C16orf96: variants seen among roughly 807,000 people sequenced by gnomAD.
C16orf96 encodes uncharacterized protein C16orf96.
A neutral mutation model predicts 103.6 loss-of-function variants in C16orf96; 108 were observed. The ratio of observed to expected loss-of-function variants is 1.04; its 90% CI spans 0.89 to 1.22. C16orf96 has a LOEUF of 1.22. Among genes scored for constraint, C16orf96 ranks in the 50% most tolerant of loss-of-function variants. The pLI, the probability that C16orf96 is intolerant of heterozygous loss-of-function variation, is 0.00. For missense variants in C16orf96, 1,586 were observed against 1,464.2 expected (o/e 1.08, Z -1.36); for synonymous variants, 566 against 593.5 (o/e 0.95, Z 0.67).
upstream of C16orf96, among the ~76,000 whole-genome samples, chr16:4,554,990 T>C (rs954774185): frequency 6.6e-6 from 1 of 151,384 alleles, no homozygotes; most frequent in African/African-American, 2.4e-5. Context: ...TGGCCAGGTG[T>C]GGTGGCTCAC....
At chr16:4,569,484 G>A (rs1243334346) in intron 1 of C16orf96, among the ~76,000 whole-genome samples, 1 of 151,988 alleles carries the variant, frequency 6.6e-6, no homozygotes, top group African/African-American at 2.4e-5. Flanking sequence ...CTGGTGAGTT[G>A]GCTCATGCCT....
the C16orf96 span, among the ~76,000 whole-genome samples, chr16:4,540,570 T>A: frequency 6.6e-6 from 1 of 151,812 alleles, no homozygotes; most frequent in Non-Finnish European, 1.5e-5. Context: ...CCGTCTCTAC[T>A]AAAAATACAA....
intron 2 of C16orf96, among the ~76,000 whole-genome samples, 192 bp from the exon 3 acceptor site, chr16:4,574,517 C>T (rs892931884): frequency 2.6e-5 from 4 of 152,294 alleles, no homozygotes; most frequent in East Asian, 3.9e-4. Context: ...ACACTGTGCC[C>T]GGCCTGACAT....
Position 4,592,703 on chromosome 16 carries a change from A to G in C16orf96, c.2774+336A>G, listed in dbSNP as rs570177314. On this transcript the variant is annotated intron_variant, in intron 11 of 15. Transcript: ENST00000444310. ...ATACACTGTTCTACAGCCATCAAAA[A>G]TATACAAATATGCGGCCTTGTATGA... 1.1e-4 allele frequency among the ~76,000 whole-genome samples: 17 copies of G among 152,316 alleles called. 1 individual carries two copies. Among genetic ancestry groups the G allele is most frequent in the African/African-American group, 3.9e-4 (16 of 41,552 alleles).
In C16orf96 at chr16:4,588,271, G is replaced by A. The variant is rs535481087; in HGVS notation, c.2532G>A (p.Thr844=). The change falls in exon 9 of 16, where the codon ACG becomes ACA. Residue 844 remains threonine (T), a synonymous_variant. Coordinates refer to ENST00000444310, the MANE Select transcript of C16orf96 (RefSeq NM_001145011.2). ...TTCAGGGCATACTCTTCAAGGTCAC[G>A]ATCCATGAGGACAGCTGGAAGAAGG... is the stretch of plus-strand genomic sequence containing the variant. The part of the protein sequence containing the change: ...EMIQGILFKV[T]IHEDSWKKAM... 5.7e-5 allele frequency: 89 copies of A among 1,551,600 alleles called. No homozygotes were observed. The highest frequency in any genetic ancestry group is 7.2e-5 in the Non-Finnish European group (83 of 1,147,006).
upstream of C16orf96, among the ~76,000 whole-genome samples, chr16:4,555,266 C>T (rs1397902915): frequency 1.2e-5 from 1 of 82,052 alleles, no homozygotes; most frequent in East Asian, 5.7e-4. Context: ...TTGTCACACA[C>T]ACTACACACA....
At chr16:4,590,903 A>C (rs1469422344) in intron 9 of C16orf96, among the ~76,000 whole-genome samples, 1 of 151,300 alleles carries the variant, frequency 6.6e-6, no homozygotes, top group East Asian at 1.9e-4. Flanking sequence ...TTGGGGGCAC[A>C]CGCCTGTAAT....
Position 4,556,857 on chromosome 16 carries a change from A to T in C16orf96, c.368A>T (p.His123Leu). Residue 123 changes from histidine to leucine, a missense_variant, in exon 1 of 16, where the codon CAT becomes CTT. By Grantham distance (99) the His-to-Leu change is moderately conservative (BLOSUM62 -3). Coordinates refer to ENST00000444310, the MANE Select transcript of C16orf96 (RefSeq NM_001145011.2). Reference sequence around the variant, plus strand: ...GCCCGGCCCGTCCAGGACCTGTGGCATCTGATCAAGCTCCGGAAGATGGTG... The same window carrying T: ...GCCCGGCCCGTCCAGGACCTGTGGCTTCTGATCAAGCTCCGGAAGATGGTG... ...GTARPVQDLW[H>L]LIKLRKMVEG... 6.4e-7 allele frequency: 1 copy of T among 1,551,238 alleles called. No homozygotes were observed. Among genetic ancestry groups the T allele is most frequent in the Non-Finnish European group, 8.7e-7 (1 of 1,146,680 alleles).
At chr16:4,592,010 G>A (rs1897069975) in intron 10 of C16orf96, among the ~76,000 whole-genome samples, 1 of 152,314 alleles carries the variant, frequency 6.6e-6, no homozygotes, top group East Asian at 1.9e-4. Flanking sequence ...GAGGGAAGGG[G>A]ACTGGGCAGA....
the C16orf96 span, among the ~76,000 whole-genome samples, chr16:4,547,689 C>CTTCCTTCCTTCTTTCTTTCT: frequency 1.6e-3 from 35 of 22,548 alleles, no homozygotes; most frequent in Admixed American, 5.7e-3. Flanking sequence ...TCCTTCCTTC[C>CTTCCTTCCTTCTTTCTTTCT]TTCTTTCTTT....
At chr16:4,599,420 C>A in intron 15 of C16orf96, 56 bp downstream of exon 15, 4 of 1,432,186 alleles carry the variant, frequency 2.8e-6, no homozygotes, top group Non-Finnish European at 3.9e-6. Context: ...GGTCTCCAGT[C>A]CCTCCTCGTC....
At chr16:4,547,634 TTCTG>T in the C16orf96 span, among the ~76,000 whole-genome samples, 39 of 146,818 alleles carry the variant, frequency 2.7e-4, no homozygotes, top group African/African-American at 5.8e-4. Flanking sequence ...TTCTCTTTCT[TTCTG>T]TCTTTCTTTC....
At chr16:4,554,506 A>G (rs1456969881), upstream of C16orf96, among the ~76,000 whole-genome samples, 1 of 151,242 alleles carries the variant, frequency 6.6e-6, no homozygotes, top group African/African-American at 2.4e-5. Context: ...ACCCGCCACC[A>G]TGCCTGGCTA....
chr16:4,593,206 GC>G lies in C16orf96; in HGVS notation c.2775-15del. 2 of 1,550,402 alleles carry G rather than the reference GC, an allele frequency of 1.3e-6. No homozygotes were observed. Among genetic ancestry groups the G allele is most frequent in the Non-Finnish European group, 1.7e-6 (2 of 1,146,320 alleles). Reference sequence around the variant, plus strand: ...GCACGCCTCCCACAGCCCCTGCTGTGCCCTTGTCCTCCAACAGACAGCTGAT... The same window carrying G: ...GCACGCCTCCCACAGCCCCTGCTGTGCCTTGTCCTCCAACAGACAGCTGAT... On this transcript the variant is annotated splice_polypyrimidine_tract_variant and intron_variant, in intron 11 of 15. Coordinates refer to ENST00000444310, the MANE Select transcript of C16orf96 (RefSeq NM_001145011.2). This position sits in a 1 kb window ranked among gnomAD's most constrained non-coding sequence, Gnocchi z 4.2.
At chr16:4,597,175 G>C (rs548850236) in intron 14 of C16orf96, among the ~76,000 whole-genome samples, 1 of 152,094 alleles carries the variant, frequency 6.6e-6, no homozygotes, top group Non-Finnish European at 1.5e-5. Flanking sequence ...GCTTCTCCTC[G>C]AGAGGACTGG....
Position 4,593,262 on chromosome 16 carries a change from G to T in C16orf96, c.2813G>T (p.Arg938Leu). The change falls in exon 12 of 16, where the codon CGG becomes CTG. Residue 938 changes from arginine (R) to leucine (L), a missense_variant. Transcript: ENST00000444310. The surrounding 1 kb of genome is among the most constrained non-coding windows in gnomAD (Gnocchi z 4.2). ...ITIRKAHLLS[R>L]LRPASANSCE... Reference sequence around the variant, plus strand: ...ATCCGCAAAGCCCACCTGCTGTCCCGGCTGCGGCCAGCCAGCGCCAACAGC... The same window carrying T: ...ATCCGCAAAGCCCACCTGCTGTCCCTGCTGCGGCCAGCCAGCGCCAACAGC... The T allele has an allele frequency of 6.4e-7, 1 of 1,550,990 alleles. No homozygotes were observed. Among genetic ancestry groups the T allele is most frequent in the South Asian group, 1.2e-5 (1 of 84,030 alleles).
chr16:4,580,380 C>T lies in C16orf96; in HGVS notation c.2352+255C>T, dbSNP rs530869347. Among the ~76,000 whole-genome samples, 11 of 148,548 alleles carry T rather than the reference C, an allele frequency of 7.4e-5. No homozygotes were observed. The East Asian group carries it at 2.3e-3, about 31-fold the overall frequency. ...CTTTTTGACCACTGCGTCACCTGCC[C>T]CTGGAAGGGCAGGGGTAGTGAAGGC... On this transcript the variant is annotated intron_variant, in intron 7 of 15. Transcript: ENST00000444310.
chr16:4,591,713 C>G lies in C16orf96; in HGVS notation c.2640C>G (p.Val880=), dbSNP rs1194861537. 1 of 1,551,528 alleles carries G rather than the reference C, an allele frequency of 6.4e-7. No homozygotes were observed. Among genetic ancestry groups the G allele is most frequent in the Non-Finnish European group, 8.7e-7 (1 of 1,146,988 alleles). ...LDPLKKEMEE[V]WKIVRKLLIE... ...CCTTGAAGAAAGAAATGGAAGAGGTCTGGAAAATCGTCCGGAAGCTGCTGA... is the reference window on the plus strand; with the variant it reads ...CCTTGAAGAAAGAAATGGAAGAGGTGTGGAAAATCGTCCGGAAGCTGCTGA... The change falls in exon 10 of 16, where the codon GTC becomes GTG. Residue 880 remains valine, a synonymous_variant. Transcript: ENST00000444310.
intron 14 of C16orf96, among the ~76,000 whole-genome samples, chr16:4,595,010 G>A (rs1319790964): frequency 6.6e-6 from 1 of 152,196 alleles, no homozygotes; most frequent in African/African-American, 2.4e-5. Flanking sequence ...GCGAGGATCT[G>A]CTGTTCCCGA....
Sources: allele counts gnomAD v4.1 joint callset (sites outside exome capture counted in the v4.1 genomes callset), GRCh38; gene constraint gnomAD v4.1.1; non-coding constraint Gnocchi (gnomAD v3.1); transcripts MANE v1.5; gene names NCBI Gene and HGNC (gene_info 2026-07-23, HGNC 2026-07-21).